Variants in STAB2 observed in about 807,000 individuals in gnomAD.
The protein encoded by STAB2 is stabilin 2.
Under a neutral mutation model 338.1 loss-of-function variants are expected in STAB2, and 288 were observed. The observed-to-expected ratio is 0.85, with a 90% CI of 0.77 to 0.94. The LOEUF (loss-of-function observed/expected upper bound fraction) is 0.94. STAB2 is among the 40% of genes least tolerant of loss of function. STAB2 has a pLI of 0.00. For synonymous variants in STAB2, 1,202 were observed against 1,193.3 expected (o/e 1.01, Z -0.15); for missense variants, 3,141 against 3,210.1 (o/e 0.98, Z 0.52).
rs907527112 is a variant in STAB2 at position 103,761,723 on chromosome 12, C to A, written c.7359+313C>A. Among the ~76,000 whole-genome samples, 62 of 152,292 alleles carry A rather than the reference C, an allele frequency of 4.1e-4. 1 individual carries two copies. The highest frequency in any genetic ancestry group is 3.4e-3 in the Middle Eastern group (1 of 294). On this transcript the variant is annotated intron_variant, in intron 66 of 68. Coordinates refer to ENST00000388887, the MANE Select transcript of STAB2 (RefSeq NM_017564.10). ...AAGCTATGGTTTGGCCCCTCCACTT[C>A]GTAGCATCTCTGAGTCCCAATTTTC...
chr12:103,598,997 G>A (rs529360240), intron 3 of STAB2, among the ~76,000 whole-genome samples: 24 of 152,318 alleles, frequency 1.6e-4, no homozygotes, highest in Admixed American at 7.8e-4. Flanking sequence ...TTTGCAGCCT[G>A]CCCAAAGAGA....
chr12:103,687,480 A>G (rs1481091166), intron 27 of STAB2, among the ~76,000 whole-genome samples: 1 of 152,064 alleles, frequency 6.6e-6, no homozygotes, highest in African/African-American at 2.4e-5. Flanking sequence ...ATCCTCTTTC[A>G]TATCTTATAG....
At chr12:103,711,184 T>G in intron 39 of STAB2, 1 of 441,350 alleles carries the variant, frequency 2.3e-6, no homozygotes, top group Non-Finnish European at 4.0e-6. Flanking sequence ...TAAGAGCACA[T>G]GGTCACATTC....
intron 34 of STAB2, 132 bp from the exon 35 acceptor site, chr12:103,703,016 G>A (rs1879037271): frequency 1.9e-6 from 2 of 1,064,332 alleles, no homozygotes; most frequent in East Asian, 2.7e-5. Context: ...TCCAATACAA[G>A]TGACTATTAT....
intron 44 of STAB2, among the ~76,000 whole-genome samples, chr12:103,723,256 A>G (rs1049276391): frequency 1.3e-5 from 2 of 152,210 alleles, no homozygotes; most frequent in African/African-American, 4.8e-5. Context: ...AGAAAGGTTT[A>G]TTGGGCTTAC....
chr12:103,596,029 A>G (rs1410882829), intron 3 of STAB2, among the ~76,000 whole-genome samples: 1 of 152,194 alleles, frequency 6.6e-6, no homozygotes, highest in Non-Finnish European at 1.5e-5. Flanking sequence ...TTACCTCAGC[A>G]TGTTGGCACA....
At chr12:103,765,502 A>G (rs1186195114) in intron 68 of STAB2, among the ~76,000 whole-genome samples, 1 of 152,206 alleles carries the variant, frequency 6.6e-6, no homozygotes, top group Non-Finnish European at 1.5e-5. Flanking sequence ...CTATTATGCT[A>G]ATTGACAAAG....
chr12:103,765,865 C>CTCAGGCACTCAA (rs1884914933), intron 68 of STAB2, among the ~76,000 whole-genome samples: 1 of 152,170 alleles, frequency 6.6e-6, no homozygotes, highest in South Asian at 2.1e-4. Flanking sequence ...ATTACACTCT[C>CTCAGGCACTCAA]TCAGGCACTC....
Position 103,683,220 on chromosome 12 carries a change from A to C in STAB2, c.2821A>C (p.Lys941Gln), listed in dbSNP as rs959935225. ...VGPGQNECEC[K>Q]KGFRGNGIDC... is the part of the protein sequence containing the mutation. Reference sequence around the variant, plus strand: ...AAAATTATAGAATGAGTGTGAGTGCAAGAAAGGATTTCGAGGAAATGGGAT... The same window carrying C: ...AAAATTATAGAATGAGTGTGAGTGCCAGAAAGGATTTCGAGGAAATGGGAT... The change falls in exon 26 of 69, where the codon AAG becomes CAG. Residue 941 changes from lysine to glutamine, a missense_variant. By Grantham distance (53) the Lys-to-Gln change is moderately conservative. Transcript: ENST00000388887. 2 of 1,613,260 alleles carry C rather than the reference A, an allele frequency of 1.2e-6. No homozygotes were observed. Among genetic ancestry groups the C allele is most frequent in the Middle Eastern group, 1.6e-4 (1 of 6,062 alleles).
intron 55 of STAB2, among the ~76,000 whole-genome samples, chr12:103,741,479 G>C (rs976237148): frequency 6.6e-6 from 1 of 151,938 alleles, no homozygotes; most frequent in Non-Finnish European, 1.5e-5. Flanking sequence ...TTTGAGAGAG[G>C]GTCTCACTCT....
At chr12:103,727,576 C>T (rs1407921274) in intron 47 of STAB2, among the ~76,000 whole-genome samples, 1 of 152,146 alleles carries the variant, frequency 6.6e-6, no homozygotes, top group Non-Finnish European at 1.5e-5. Flanking sequence ...AAAGGACATT[C>T]CTGAACAAAG....
chr12:103,706,125 G>A (rs1209153573), intron 37 of STAB2, among the ~76,000 whole-genome samples: 1 of 152,166 alleles, frequency 6.6e-6, no homozygotes, highest in Non-Finnish European at 1.5e-5. Flanking sequence ...CTCTAGTGGT[G>A]CCTTTGGAAT....
At chr12:103,715,248 T>C (rs1038127123) in intron 42 of STAB2, among the ~76,000 whole-genome samples, 1 of 152,228 alleles carries the variant, frequency 6.6e-6, no homozygotes, top group Admixed American at 6.5e-5. Flanking sequence ...TTCTGCCCTC[T>C]GTGTGTGATG....
intron 48 of STAB2, among the ~76,000 whole-genome samples, chr12:103,729,865 T>C (rs1313913414): frequency 6.6e-6 from 1 of 152,240 alleles, no homozygotes; most frequent in Middle Eastern, 3.2e-3. Flanking sequence ...CTTGCTTATT[T>C]CACATTGGAG....
At chr12:103,688,035 C>T in intron 27 of STAB2, 133 bp from the exon 28 acceptor site, 3 of 803,040 alleles carry the variant, frequency 3.7e-6, no homozygotes, top group Non-Finnish European at 6.4e-6. Context: ...GGGAGGCAGG[C>T]CAGGACAACG....
At chr12:103,738,066 A>G (rs946076746) in intron 53 of STAB2, among the ~76,000 whole-genome samples, 1 of 152,174 alleles carries the variant, frequency 6.6e-6, no homozygotes, top group Non-Finnish European at 1.5e-5. Context: ...CCATATGCCA[A>G]CTGCCATTCG....
At chr12:103,736,303 G>A (rs950733127) in intron 52 of STAB2, among the ~76,000 whole-genome samples, 8 of 152,148 alleles carry the variant, frequency 5.3e-5, no homozygotes, top group African/African-American at 1.7e-4. Flanking sequence ...TCCAGGCAGT[G>A]GGAAGGAGGA....
Position 103,695,537 on chromosome 12 carries a change from T to C in STAB2, c.3376-13T>C. On this transcript the variant is annotated splice_polypyrimidine_tract_variant and intron_variant, in intron 31 of 68. Coordinates refer to ENST00000388887, the MANE Select transcript of STAB2 (RefSeq NM_017564.10). ...AAAACATGCTAACAGGATTCTGGGG[T>C]TTCTTTTTTCAGGTGCTGGTCCCAC... The C allele has an allele frequency of 6.2e-7, 1 of 1,613,822 alleles. No individual in the cohort carries two copies. The highest frequency in any genetic ancestry group is 1.1e-5 in the South Asian group (1 of 90,996).
At chr12:103,600,397 A>C (rs10861045) in intron 3 of STAB2, among the ~76,000 whole-genome samples, 1 of 152,090 alleles carries the variant, frequency 6.6e-6, no homozygotes, top group Admixed American at 6.5e-5. Context: ...AAAATACTAT[A>C]GACTGAGTGG....
Sources: gnomAD v4.1 joint callset for allele counts (sites outside exome capture counted in the v4.1 genomes callset) on GRCh38, gnomAD v4.1.1 for gene constraint, MANE v1.5 for transcripts, NCBI Gene and HGNC (gene_info 2026-07-23, HGNC 2026-07-21) for gene names.